The following LIMCH1 variants were observed in gnomAD, a reference collection of about 807,000 sequenced individuals.
LIMCH1 encodes LIM and calponin homology domains 1, also known as LIM and calponin homology domains-containing protein 1.
In LIMCH1, 113 loss-of-function variants were observed where a neutral mutation model predicts 176.5. That is an observed-to-expected ratio of 0.64 (90% CI 0.55 to 0.75). The LOEUF is 0.75. Ranked by LOEUF, LIMCH1 falls within the 30% of genes least tolerant of loss-of-function variation. LIMCH1 has a pLI of 0.00. For synonymous variants in LIMCH1, 619 were observed against 645.9 expected (o/e 0.96, Z 0.63); for missense variants, 1,674 against 1,814.9 (o/e 0.92, Z 1.41).
intron 1 of LIMCH1, among the ~76,000 whole-genome samples, chr4:41,376,041 T>C (rs1381065197): frequency 1.3e-5 from 2 of 152,236 alleles, no homozygotes; most frequent in Non-Finnish European, 2.9e-5. Flanking sequence ...CATTTGCCCT[T>C]GACATGAGTT....
upstream of LIMCH1, among the ~76,000 whole-genome samples, chr4:41,535,787 T>A (rs1441933828): frequency 6.6e-6 from 1 of 152,212 alleles, no homozygotes; most frequent in African/African-American, 2.4e-5. Context: ...CACCACAAAC[T>A]ATTTTTCCAA....
intron 1 of LIMCH1, among the ~76,000 whole-genome samples, chr4:41,414,625 A>C (rs534921843): frequency 6.6e-6 from 1 of 152,268 alleles, no homozygotes; most frequent in Admixed American, 6.5e-5. Context: ...ATTATGCATT[A>C]TGTCACTGTG....
intron 19 of LIMCH1, among the ~76,000 whole-genome samples, chr4:41,662,365 T>A (rs1341589582): frequency 1.3e-5 from 2 of 152,116 alleles, no homozygotes; most frequent in Non-Finnish European, 2.9e-5. Flanking sequence ...TACCCCACAA[T>A]CCGTAACACA....
At chr4:41,647,592 T>C (rs191452525) in intron 17 of LIMCH1, among the ~76,000 whole-genome samples, 24 of 152,348 alleles carry the variant, frequency 1.6e-4, no homozygotes, top group Admixed American at 1.1e-3. Flanking sequence ...TCATCCTTTG[T>C]CTTAAGTTCT....
At chr4:41,605,469 A>G (rs2090566296) in intron 3 of LIMCH1, among the ~76,000 whole-genome samples, 1 of 152,208 alleles carries the variant, frequency 6.6e-6, no homozygotes, top group Admixed American at 6.5e-5. Context: ...TGTGCCCACA[A>G]GTAGAAATTA....
intron 1 of LIMCH1, among the ~76,000 whole-genome samples, chr4:41,416,960 T>C (rs2059993490): frequency 6.6e-6 from 1 of 152,276 alleles, no homozygotes; most frequent in Non-Finnish European, 1.5e-5. Flanking sequence ...GCAAAAAATA[T>C]CTTTACATAG....
intron 14 of LIMCH1, among the ~76,000 whole-genome samples, chr4:41,644,264 T>G (rs1265588539): frequency 3.9e-5 from 6 of 152,210 alleles, no homozygotes; most frequent in Non-Finnish European, 8.8e-5. Context: ...GTGACATCAC[T>G]GAAGACAAAG....
At chr4:41,527,006 C>G (rs2076731740) in intron 3 of LIMCH1, among the ~76,000 whole-genome samples, 1 of 152,218 alleles carries the variant, frequency 6.6e-6, no homozygotes, top group Non-Finnish European at 1.5e-5. Context: ...TCATTGAATA[C>G]TTTCCTCCTG....
intron 1 of LIMCH1, among the ~76,000 whole-genome samples, chr4:41,570,249 A>G (rs931636680): frequency 8.5e-5 from 13 of 152,228 alleles, no homozygotes; most frequent in African/African-American, 3.1e-4. Context: ...TGCTTTAACC[A>G]GTAGTCTTAC....
chr4:41,629,478 G>T lies in LIMCH1; in HGVS notation c.1029-14G>T, dbSNP rs1382472777. The T allele has an allele frequency of 6.5e-7, 1 of 1,535,636 alleles. No homozygotes were observed. Among genetic ancestry groups the T allele is most frequent in the South Asian group, 1.2e-5 (1 of 83,964 alleles). On this transcript the variant is annotated splice_polypyrimidine_tract_variant and intron_variant, in intron 8 of 31. Transcript: ENST00000503057. ...ATTTTTCCATTGGTGTGGGGGCCCG[G>T]ATCAAATGGACAGAAACCAGGGCCA...
chr4:41,636,854 TTACG>T (rs2093615193), intron 13 of LIMCH1, among the ~76,000 whole-genome samples: 1 of 152,226 alleles, frequency 6.6e-6, no homozygotes, highest in African/African-American at 2.4e-5. Context: ...TTGAGTCTGT[TTACG>T]TAGTACAAAT....
At chr4:41,623,722 C>T (rs532608801) in intron 7 of LIMCH1, among the ~76,000 whole-genome samples, 1 of 152,300 alleles carries the variant, frequency 6.6e-6, no homozygotes, top group South Asian at 2.1e-4. Context: ...GATCGTGTCA[C>T]TGCACTCCAG....
At chr4:41,532,373 G>C (rs2077421315) in intron 3 of LIMCH1, among the ~76,000 whole-genome samples, 1 of 152,024 alleles carries the variant, frequency 6.6e-6, no homozygotes, top group African/African-American at 2.4e-5. Flanking sequence ...ATTTTATATG[G>C]CTCCCTACTG....
At chr4:41,446,196 G>T (rs138678190) in intron 1 of LIMCH1, among the ~76,000 whole-genome samples, 24 of 152,200 alleles carry the variant, frequency 1.6e-4, no homozygotes, top group African/African-American at 5.8e-4. Flanking sequence ...TCTGCTAGTC[G>T]TTGGTTTTTG....
At chr4:41,566,100 T>C (rs895884746) in intron 1 of LIMCH1, among the ~76,000 whole-genome samples, 7 of 152,150 alleles carry the variant, frequency 4.6e-5, no homozygotes, top group Non-Finnish European at 8.8e-5. Context: ...ACCACTAAAG[T>C]AGGCATCCCT....
chr4:41,566,439 T>TTTTGAATGTGGGAAAGGC (rs570059945), intron 1 of LIMCH1, among the ~76,000 whole-genome samples: 3,380 of 151,884 alleles, frequency 0.022, 54 homozygotes, highest in Non-Finnish European at 0.035. Flanking sequence ...TTGAGTGAGG[T>TTTTGAATGTGGGAAAGGC]TTTGAATGTG....
intron 11 of LIMCH1, 26 bp downstream of exon 11, chr4:41,632,893 C>T: frequency 1.3e-6 from 2 of 1,531,146 alleles, no homozygotes. Context: ...TCCTGCCTTC[C>T]CGGGAGGTGA....
intron 1 of LIMCH1, among the ~76,000 whole-genome samples, chr4:41,375,686 C>T (rs899053284): frequency 1.3e-5 from 2 of 152,238 alleles, no homozygotes; most frequent in African/African-American, 4.8e-5. Context: ...CCTGAGCAGT[C>T]CCCAGGCATG....
intron 1 of LIMCH1, among the ~76,000 whole-genome samples, chr4:41,538,555 C>CTTT (rs60418235): frequency 2.1e-5 from 3 of 143,182 alleles, no homozygotes; most frequent in African/African-American, 7.7e-5. Context: ...TTTAATTAAG[C>CTTT]TTTTTTTTTT....
Sources: gnomAD v4.1 joint callset for allele counts (sites outside exome capture counted in the v4.1 genomes callset) on GRCh38, gnomAD v4.1.1 for gene constraint, MANE v1.5 for transcripts, NCBI Gene and HGNC (gene_info 2026-07-23, HGNC 2026-07-21) for gene names.